COL25A1: variants seen among roughly 807,000 people sequenced by gnomAD.
COL25A1 encodes the protein collagen type XXV alpha 1 chain.
COL25A1 carries 103 observed loss-of-function variants against 128.4 expected under a neutral mutation model. That is an observed-to-expected ratio of 0.80 (90% CI 0.68 to 0.94). COL25A1 has a LOEUF of 0.94. Among genes scored for constraint, COL25A1 ranks in the 40% least tolerant of loss-of-function variants. The probability of loss-of-function intolerance (pLI) is 0.00; values close to 1 mark genes in which losing one functional copy is unlikely to be tolerated. For synonymous variants in COL25A1, 279 were observed against 277.2 expected, an observed-to-expected ratio of 1.01 and a Z score of -0.06; for missense variants, 745 against 840.0, an observed-to-expected ratio of 0.89 and a Z score of 1.40.
At chr4:109,217,970 T>C (rs1179342893) in intron 3 of COL25A1, among the ~76,000 whole-genome samples, 1 of 152,206 alleles carries the variant, frequency 6.6e-6, no homozygotes, top group Non-Finnish European at 1.5e-5. Flanking sequence ...TCATATGTAA[T>C]CTGTCTGTAT....
intron 13 of COL25A1, among the ~76,000 whole-genome samples, chr4:108,903,602 T>A (rs1581579): frequency 0.69 from 104,091 of 151,888 alleles, 36,908 homozygotes; most frequent in East Asian, 0.93. Flanking sequence ...TAATTATGAT[T>A]AATTATCTAA....
intron 3 of COL25A1, among the ~76,000 whole-genome samples, chr4:109,081,077 T>C (rs1763793475): frequency 6.6e-6 from 1 of 152,204 alleles, no homozygotes; most frequent in Non-Finnish European, 1.5e-5. Context: ...AAGCATTTCA[T>C]GCATGGTCAA....
chr4:109,197,471 A>T (rs1024504), intron 3 of COL25A1, among the ~76,000 whole-genome samples: 78,469 of 119,554 alleles, frequency 0.66, 25,307 homozygotes, highest in East Asian at 0.73. Flanking sequence ...TATTATATAT[A>T]ATATATATTA....
intron 3 of COL25A1, among the ~76,000 whole-genome samples, chr4:109,199,790 A>T (rs959776702): frequency 3.3e-5 from 5 of 152,174 alleles, no homozygotes; most frequent in Admixed American, 2.0e-4. Flanking sequence ...AAGCATTAAA[A>T]GGTAGTGTGT....
chr4:109,047,308 A>G (rs1760516719), intron 5 of COL25A1, among the ~76,000 whole-genome samples: 1 of 152,220 alleles, frequency 6.6e-6, no homozygotes, highest in South Asian at 2.1e-4. Context: ...CAGGAAAAGG[A>G]TTTAAAATCA....
intron 3 of COL25A1, among the ~76,000 whole-genome samples, chr4:109,059,075 A>G (rs1761707739): frequency 6.6e-6 from 1 of 152,182 alleles, no homozygotes; most frequent in Non-Finnish European, 1.5e-5. Context: ...AGAGAACCTA[A>G]TGAGCCCCTG....
chr4:109,255,415 T>C (rs74809586), intron 3 of COL25A1, among the ~76,000 whole-genome samples: 6,847 of 152,284 alleles, frequency 0.045, 394 homozygotes, highest in South Asian at 0.14. Context: ...CCTTGTGGTT[T>C]GGGTGTTATC....
chr4:109,296,396 T>G (rs895974504), intron 3 of COL25A1, among the ~76,000 whole-genome samples: 2 of 152,104 alleles, frequency 1.3e-5, no homozygotes, highest in Non-Finnish European at 2.9e-5. Context: ...CTATACTTTT[T>G]CTTGGTTGCA....
At chr4:109,239,360 TTA>T (rs1244685795) in intron 3 of COL25A1, among the ~76,000 whole-genome samples, 1 of 139,718 alleles carries the variant, frequency 7.2e-6, no homozygotes, top group Non-Finnish European at 1.5e-5. Context: ...TGTAGCTCTA[TTA>T]TATATGTGTG....
chr4:109,013,731 C>T (rs990501776), intron 5 of COL25A1, among the ~76,000 whole-genome samples: 7 of 151,994 alleles, frequency 4.6e-5, no homozygotes, highest in East Asian at 3.9e-4. Context: ...GCTTCACTCC[C>T]GAAGCCAGCG....
chr4:109,200,584 G>A (rs949001946), intron 3 of COL25A1, among the ~76,000 whole-genome samples: 1 of 151,892 alleles, frequency 6.6e-6, no homozygotes, highest in Non-Finnish European at 1.5e-5. Context: ...CAGCCTAGCT[G>A]GGACTGCATG....
At chr4:109,099,603 T>C (rs1008889167) in intron 3 of COL25A1, among the ~76,000 whole-genome samples, 4 of 148,696 alleles carry the variant, frequency 2.7e-5, no homozygotes, top group South Asian at 2.1e-4. Flanking sequence ...CTTTTAAAAA[T>C]AGGTTCTCCC....
intron 3 of COL25A1, among the ~76,000 whole-genome samples, chr4:109,250,304 G>C (rs944685582): frequency 1.0e-4 from 15 of 149,564 alleles, no homozygotes; most frequent in Non-Finnish European, 2.1e-4. Context: ...AAATATCTGG[G>C]GGGGGAGGTA....
At chr4:108,985,700 A>G (rs1280638335) in intron 6 of COL25A1, among the ~76,000 whole-genome samples, 2 of 152,208 alleles carry the variant, frequency 1.3e-5, no homozygotes, top group African/African-American at 2.4e-5. Context: ...GATGGGGTTG[A>G]CAAAACCTGT....
chr4:109,106,899 C>G (rs1766486925), intron 3 of COL25A1, among the ~76,000 whole-genome samples: 1 of 152,130 alleles, frequency 6.6e-6, no homozygotes, highest in African/African-American at 2.4e-5. Flanking sequence ...TCCAGAGTAG[C>G]TGGGACTACA....
At chr4:109,295,864 G>A (rs1724926051) in intron 3 of COL25A1, among the ~76,000 whole-genome samples, 2 of 152,002 alleles carry the variant, frequency 1.3e-5, no homozygotes, top group South Asian at 2.1e-4. Context: ...CATTTTCATG[G>A]ACTTGGAATG....
chr4:109,295,461 T>C (rs1364859019), intron 3 of COL25A1, among the ~76,000 whole-genome samples: 1 of 152,146 alleles, frequency 6.6e-6, no homozygotes, highest in Non-Finnish European at 1.5e-5. Flanking sequence ...TATAGCATTT[T>C]AATTTGATTT....
At chr4:109,043,213 G>T (rs940627565) in intron 5 of COL25A1, among the ~76,000 whole-genome samples, 1 of 152,058 alleles carries the variant, frequency 6.6e-6, no homozygotes, top group Non-Finnish European at 1.5e-5. Context: ...GCTATAAATT[G>T]TAGTTATTAG....
intron 3 of COL25A1, among the ~76,000 whole-genome samples, chr4:109,278,812 T>A (rs1723089032): frequency 6.6e-6 from 1 of 152,190 alleles, no homozygotes; most frequent in African/African-American, 2.4e-5. Context: ...CTAACAAAAA[T>A]ATCAAAAACT....
Sources: allele counts gnomAD v4.1 joint callset (sites outside exome capture counted in the v4.1 genomes callset), GRCh38; gene constraint gnomAD v4.1.1; transcripts MANE v1.5; gene names NCBI Gene and HGNC (gene_info 2026-07-23, HGNC 2026-07-21).